The following ACSF2 variants were observed in gnomAD, a reference collection of about 807,000 sequenced individuals.
ACSF2 encodes medium-chain acyl-CoA ligase ACSF2, mitochondrial.
ACSF2 carries 52 observed loss-of-function variants against 79.3 expected under a neutral mutation model. The ratio of observed to expected loss-of-function variants is 0.66; its 90% confidence interval spans 0.53 to 0.83. ACSF2 has a LOEUF of 0.83. ACSF2 is among the 40% of genes least tolerant of loss of function. The pLI is 0.00. For synonymous variants in ACSF2, 283 were observed against 312.6 expected (o/e 0.91, Z 1.00); for missense variants, 661 against 803.3 (o/e 0.82, Z 2.14).
chr17:50,458,233 G>A (rs1401025800), intron 1 of ACSF2, among the ~76,000 whole-genome samples: 2 of 152,118 alleles, frequency 1.3e-5, no homozygotes, highest in Non-Finnish European at 2.9e-5. Flanking sequence ...CCCATGGGTG[G>A]AGAAAACCCC....
At position 50,472,597 on chromosome 17, in the gene ACSF2, G is replaced by C; in HGVS notation, c.1475+18G>C. On this transcript the variant is annotated intron_variant, in intron 12 of 15. Coordinates refer to ENST00000300441, the MANE Select transcript of ACSF2 (RefSeq NM_025149.6). Reference sequence around the variant, plus strand: ...TGGACAGGGTGAGAAGGCAGGGCGGGGTGGAGGCTCTGGCCGCTGAGGGGA... The same window carrying C: ...TGGACAGGGTGAGAAGGCAGGGCGGCGTGGAGGCTCTGGCCGCTGAGGGGA... 6.4e-7 allele frequency: 1 copy of C among 1,572,640 alleles called. No individual in the cohort carries two copies. The highest frequency in any genetic ancestry group is 8.6e-7 in the Non-Finnish European group (1 of 1,158,564).
chr17:50,435,283 C>T (rs1423477549), intron 1 of ACSF2, among the ~76,000 whole-genome samples: 5 of 152,192 alleles, frequency 3.3e-5, no homozygotes, highest in Non-Finnish European at 2.9e-5. Context: ...CTCAATGTTT[C>T]AGAGTTCTGT....
intron 1 of ACSF2, chr17:50,426,758 C>G (rs898215589): frequency 2.6e-5 from 22 of 852,494 alleles, no homozygotes; most frequent in Non-Finnish European, 3.4e-5. Flanking sequence ...AGTTGGAACC[C>G]CTTCATGGGC....
At chr17:50,430,990 G>A (rs1297798302) in intron 1 of ACSF2, among the ~76,000 whole-genome samples, 1 of 152,212 alleles carries the variant, frequency 6.6e-6, no homozygotes, top group Non-Finnish European at 1.5e-5. Context: ...ACAAAATGCT[G>A]TTTCTATACA....
In ACSF2 at chr17:50,461,702, C is replaced by T. The variant is rs766335172; in HGVS notation, c.507+16C>T. On this transcript the variant is annotated intron_variant, in intron 4 of 15. Transcript: ENST00000300441. ...CCTCAAGAAGGTACAGCTCATTTGT[C>T]GGGGAGGGGCCCGGCTGGGGCCTGG... is the stretch of plus-strand genomic sequence containing the variant. The T allele has an allele frequency of 1.1e-5, 17 of 1,613,770 alleles. No homozygotes were observed. Among genetic ancestry groups the T allele is most frequent in the East Asian group, 6.7e-5 (3 of 44,870 alleles).
In ACSF2 at chr17:50,461,686, G is replaced by A. The variant is rs761511330; in HGVS notation, c.507G>A (p.Lys169=). The A allele has an allele frequency of 2.5e-6, 4 of 1,614,070 alleles. No individual in the cohort carries two copies. The East Asian group carries it at 6.7e-5, about 27-fold the overall frequency. ...TGGAACTGGAGTATGTCCTCAAGAA[G>A]GTACAGCTCATTTGTCGGGGAGGGG... ...QAMELEYVLK[K]VGCKALVFPK... is the part of the protein sequence containing the mutation. The change falls in exon 4 of 16, where the codon AAG becomes AAA. Residue 169 remains lysine, a splice_region_variant and synonymous_variant. Transcript: ENST00000300441.
At chr17:50,464,779 G>A (rs75281762) in intron 10 of ACSF2, 4 of 259,812 alleles carry the variant, frequency 1.5e-5, no homozygotes, top group South Asian at 5.1e-5. Context: ...TGGGGGGGGG[G>A]TCTCAGCAAC....
chr17:50,429,877 C>T (rs889366223), intron 1 of ACSF2, among the ~76,000 whole-genome samples: 2 of 152,222 alleles, frequency 1.3e-5, no homozygotes, highest in Non-Finnish European at 2.9e-5. Flanking sequence ...GAACTCCTCA[C>T]GACCAACTCC....
chr17:50,461,071 C>T (rs1567854484), intron 2 of ACSF2, 171 bp from the exon 3 acceptor site: 1 of 1,168,146 alleles, frequency 8.6e-7, no homozygotes, highest in Non-Finnish European at 1.2e-6. Context: ...GCTCCTGGGG[C>T]ACCTGTTAAC....
At chr17:50,469,101 G>C (rs1234019218) in intron 10 of ACSF2, 1 of 1,169,000 alleles carries the variant, frequency 8.6e-7, no homozygotes, top group Non-Finnish European at 1.1e-6. Flanking sequence ...CCTGAGCCCC[G>C]GCTGTAGCCC....
chr17:50,429,608 C>T (rs1415811860), intron 1 of ACSF2, among the ~76,000 whole-genome samples: 1 of 152,058 alleles, frequency 6.6e-6, no homozygotes, highest in African/African-American at 2.4e-5. Context: ...TAACCTCCGC[C>T]TCCTGGGTTC....
chr17:50,471,239 C>A lies in ACSF2; in HGVS notation c.1323+104C>A. 2 of 898,898 alleles carry A rather than the reference C, an allele frequency of 2.2e-6. No individual in the cohort carries two copies. The highest frequency in any genetic ancestry group is 3.6e-6 in the Non-Finnish European group (2 of 554,868). The allele number at this position is 898,898 out of a possible 1,614,324, so 55.7% of individuals were successfully genotyped here. A position where few individuals can be genotyped will look rare whatever the true frequency, so the allele number is the denominator to read the frequency against. On this transcript the variant is annotated intron_variant, in intron 11 of 15. Transcript: ENST00000300441. The surrounding 1 kb of genome is among the most constrained non-coding windows in gnomAD (Gnocchi z 4.1). ...TTCAGTGAGAGAGTCAAATGGCTCACTCAGGATGCCTAGAGCCCCCCAGCA... is the reference window on the plus strand; with the variant it reads ...TTCAGTGAGAGAGTCAAATGGCTCAATCAGGATGCCTAGAGCCCCCCAGCA...
rs556184481 is a variant in ACSF2 at position 50,453,200 on chromosome 17, A to AT, written c.129-7470dup. ...ATGGGAGTTCATGATACTCACCTGCATTTTTTTAAACATTTTTTTAAAATT... is the reference window on the plus strand; with the variant it reads ...ATGGGAGTTCATGATACTCACCTGCATTTTTTTTAAACATTTTTTTAAAATT... On this transcript the variant is annotated intron_variant, in intron 1 of 15. Transcript: ENST00000300441. 2.6e-5 allele frequency among the ~76,000 whole-genome samples: 4 copies of AT among 152,118 alleles called. No homozygotes were observed. In the South Asian group the frequency reaches 8.3e-4, roughly 32 times the overall value.
intron 4 of ACSF2, among the ~76,000 whole-genome samples, chr17:50,461,907 C>T (rs1283366002): frequency 6.8e-6 from 1 of 147,092 alleles, no homozygotes; most frequent in East Asian, 2.0e-4. Context: ...GGGACGGGGG[C>T]ATGTGTGTGT....
In ACSF2 at chr17:50,436,222, C is replaced by T. The variant is rs185628662; in HGVS notation, c.128+9833C>T. Among the ~76,000 whole-genome samples the T allele has an allele frequency of 5.3e-3, 810 of 151,644 alleles. 12 individuals are homozygous for T. Among genetic ancestry groups the T allele is most frequent in the African/African-American group, 0.019 (775 of 41,338 alleles). On this transcript the variant is annotated intron_variant, in intron 1 of 15. Transcript: ENST00000300441. ...TCGGCTCACTGCAACCTCCGCCTAC[C>T]GGGTTCACGCCATTCTCCTGCCTCA...
intron 1 of ACSF2, chr17:50,426,815 TAGC>T: frequency 7.4e-7 from 1 of 1,356,734 alleles, no homozygotes; most frequent in Non-Finnish European, 1.0e-6. Flanking sequence ...CCACTAAACT[TAGC>T]AGTCTCCTGT....
intron 10 of ACSF2, among the ~76,000 whole-genome samples, chr17:50,466,424 G>C (rs117155267): frequency 5.9e-5 from 9 of 152,198 alleles, no homozygotes; most frequent in Non-Finnish European, 8.8e-5. Flanking sequence ...ATGGGGAAAC[G>C]GAAAAAGCGC....
At chr17:50,454,957 C>T (rs976707873) in intron 1 of ACSF2, among the ~76,000 whole-genome samples, 2 of 152,074 alleles carry the variant, frequency 1.3e-5, no homozygotes, top group African/African-American at 4.8e-5. Flanking sequence ...AAGTTCCAAA[C>T]TAAATGGGAC....
Position 50,460,392 on chromosome 17 carries a change from C to G in ACSF2, c.129-285C>G, listed in dbSNP as rs577291383. The G allele has an allele frequency of 1.8e-4, 85 of 482,914 alleles. 1 individual carries two copies. The highest frequency in any genetic ancestry group is 1.6e-3 in the South Asian group (82 of 51,774). 29.9% of individuals were successfully genotyped at this position (482,914 alleles called of 1,614,324 possible). A position where few individuals can be genotyped will look rare whatever the true frequency, so the allele number is the denominator to read the frequency against. On this transcript the variant is annotated intron_variant, in intron 1 of 15. Coordinates refer to ENST00000300441, the MANE Select transcript of ACSF2 (RefSeq NM_025149.6). ...AGATCTGTCTGTCTGCACAGGCAGGCTCTCCCAGGCTTCACTATGGCATCT... is the reference window on the plus strand; with the variant it reads ...AGATCTGTCTGTCTGCACAGGCAGGGTCTCCCAGGCTTCACTATGGCATCT...
Sources: allele counts gnomAD v4.1 joint callset (sites outside exome capture counted in the v4.1 genomes callset), GRCh38; gene constraint gnomAD v4.1.1; non-coding constraint Gnocchi (gnomAD v3.1); transcripts MANE v1.5; gene names NCBI Gene and HGNC (gene_info 2026-07-23, HGNC 2026-07-21).